The following CERT1 variants were observed in gnomAD, a reference collection of about 807,000 sequenced individuals.
CERT1 encodes the protein ceramide transporter 1.
A neutral mutation model predicts 87.9 loss-of-function variants in CERT1; 31 were observed. That is an observed-to-expected ratio of 0.35 (90% CI 0.27 to 0.48). The LOEUF is 0.48. Among genes scored for constraint, CERT1 ranks in the 20% least tolerant of loss-of-function variants. The pLI, the probability that CERT1 is intolerant of heterozygous loss-of-function variation, is 0.99. For synonymous variants in CERT1, 289 were observed against 250.9 expected (o/e 1.15, Z -1.44); for missense variants, 487 against 758.0 (o/e 0.64, Z 4.20).
intron 2 of CERT1, among the ~76,000 whole-genome samples, chr5:75,492,914 A>G (rs966247225): frequency 6.6e-6 from 1 of 152,214 alleles, no homozygotes; most frequent in African/African-American, 2.4e-5. Flanking sequence ...TTTGTTAAAG[A>G]AAGAATGCTG....
At chr5:75,511,803 G>C, upstream of CERT1, 1 of 1,551,516 alleles carries the variant, frequency 6.4e-7, no homozygotes, top group Non-Finnish European at 8.7e-7. Flanking sequence ...CAGGAGGAGC[G>C]GAGAAAGGAG....
At chr5:75,419,299 A>G in intron 6 of CERT1, 42 bp downstream of exon 6, 2 of 1,291,342 alleles carry the variant, frequency 1.5e-6, no homozygotes, top group Non-Finnish European at 2.2e-6. Flanking sequence ...TAACTTCTGA[A>G]AGTATATTTT....
In CERT1 at chr5:75,401,943, C is replaced by G. The variant is rs372874368; in HGVS notation, c.1017+1029G>C. On this transcript the variant is annotated intron_variant, in intron 9 of 16. Coordinates refer to ENST00000643780, the MANE Select transcript of CERT1 (RefSeq NM_001379029.1). ...ATACTTGCCCCCCAAAAAGGTTAAG[C>G]TTCCACCATAACTAGCATAGCTTAA... 13 of 152,298 alleles carry G rather than the reference C, an allele frequency of 8.5e-5. No homozygotes were observed. In the East Asian group the frequency reaches 1.7e-3, roughly 20 times the overall value. The allele number at this position is 152,298 out of a possible 1,614,324, so 9.4% of individuals were successfully genotyped here.
intron 2 of CERT1, among the ~76,000 whole-genome samples, chr5:75,494,736 T>TACTA (rs1766977677): frequency 6.6e-6 from 1 of 152,220 alleles, no homozygotes; most frequent in Admixed American, 6.5e-5. Context: ...TTCTCAGATT[T>TACTA]ACTAACTCAC....
At chr5:75,511,040 C>A in intron 1 of CERT1, 72 bp downstream of exon 1, 1 of 1,453,834 alleles carries the variant, frequency 6.9e-7, no homozygotes, top group South Asian at 1.4e-5. Context: ...CAGCCCCACC[C>A]CACCGCCTCA....
intron 2 of CERT1, among the ~76,000 whole-genome samples, chr5:75,477,500 C>CT (rs777494341): frequency 2.2e-4 from 34 of 151,962 alleles, no homozygotes; most frequent in South Asian, 4.2e-4. Flanking sequence ...CTGGCACAGT[C>CT]TTTAAAACCT....
intron 5 of CERT1, among the ~76,000 whole-genome samples, chr5:75,421,935 G>A (rs1048400689): frequency 6.6e-6 from 1 of 152,084 alleles, no homozygotes; most frequent in Non-Finnish European, 1.5e-5. Context: ...AAACTCAAAA[G>A]CCTTCTGTAC....
chr5:75,379,278 T>G lies in CERT1; in HGVS notation c.*68A>C. On this transcript the variant is annotated 3_prime_UTR_variant, in exon 17 of 17. Coordinates refer to ENST00000643780, the MANE Select transcript of CERT1 (RefSeq NM_001379029.1). ...AATACTTTCAACAACTAAATTTTAG[T>G]ATTGACAGTCATATTAGTCAAATAA... 7.6e-7 allele frequency: 1 copy of G among 1,316,864 alleles called. No individual in the cohort carries two copies. The highest frequency in any genetic ancestry group is 2.3e-5 in the East Asian group (1 of 43,298). 81.6% of individuals were successfully genotyped at this position (1,316,864 alleles called of 1,614,324 possible).
chr5:75,492,160 A>G (rs1444363322), intron 2 of CERT1, among the ~76,000 whole-genome samples: 2 of 152,134 alleles, frequency 1.3e-5, no homozygotes, highest in East Asian at 1.9e-4. Flanking sequence ...TCTGGGCAAC[A>G]TAGCGAGACT....
chr5:75,447,226 C>T (rs2112266645), intron 3 of CERT1, among the ~76,000 whole-genome samples: 1 of 152,190 alleles, frequency 6.6e-6, no homozygotes, highest in African/African-American at 2.4e-5. Context: ...TAGCAGACTC[C>T]AGAGTTTCAA....
chr5:75,379,264 C>A lies in CERT1; in HGVS notation c.*82G>T. 1.6e-6 allele frequency: 2 copies of A among 1,238,412 alleles called. No homozygotes were observed. Among genetic ancestry groups the A allele is most frequent in the Non-Finnish European group, 2.3e-6 (2 of 873,900 alleles). 76.7% of individuals were successfully genotyped at this position (1,238,412 alleles called of 1,614,324 possible). A position where few individuals can be genotyped will look rare whatever the true frequency, so the allele number is the denominator to read the frequency against. ...CAAAAAACATAGTAAATACTTTCAACAACTAAATTTTAGTATTGACAGTCA... is the reference window on the plus strand; with the variant it reads ...CAAAAAACATAGTAAATACTTTCAAAAACTAAATTTTAGTATTGACAGTCA... On this transcript the variant is annotated 3_prime_UTR_variant, in exon 17 of 17. Transcript: ENST00000643780.
At chr5:75,429,832 TAAGAAAAA>T (rs2112202182) in intron 3 of CERT1, among the ~76,000 whole-genome samples, 1 of 76,222 alleles carries the variant, frequency 1.3e-5, no homozygotes, top group South Asian at 3.9e-4. Flanking sequence ...CATCCAAATA[TAAGAAAAA>T]ATGAAAAAAA....
downstream of CERT1, chr5:75,377,564 G>C (rs1180407599): frequency 6.6e-6 from 1 of 152,182 alleles, no homozygotes; most frequent in African/African-American, 2.4e-5. Flanking sequence ...TTACAAATAT[G>C]TGAGACCTTC....
At chr5:75,445,447 A>G (rs530683045) in intron 3 of CERT1, among the ~76,000 whole-genome samples, 65 of 152,308 alleles carry the variant, frequency 4.3e-4, no homozygotes, top group African/African-American at 1.5e-3. Context: ...GGGCGTGTTT[A>G]AATTTCTCCC....
Position 75,482,570 on chromosome 5 carries a change from T to C in CERT1, c.232-23389A>G, listed in dbSNP as rs140007082. Among the ~76,000 whole-genome samples, 702 of 152,314 alleles carry C rather than the reference T, an allele frequency of 4.6e-3. 3 individuals are homozygous for C. The highest frequency in any genetic ancestry group is 0.015 in the African/African-American group (644 of 41,572). ...AGTCAGACAGTAGTCACTGTGGGCC[T>C]TGGGCAAGACCCAGTGCTGTGGTGG... On this transcript the variant is annotated intron_variant, in intron 2 of 16. Coordinates refer to ENST00000643780, the MANE Select transcript of CERT1 (RefSeq NM_001379029.1).
chr5:75,478,215 G>A (rs1387998234), intron 2 of CERT1, among the ~76,000 whole-genome samples: 1 of 152,076 alleles, frequency 6.6e-6, no homozygotes, highest in Non-Finnish European at 1.5e-5. Flanking sequence ...TTGGGAGGCT[G>A]AGACAGGAGA....
intron 3 of CERT1, among the ~76,000 whole-genome samples, chr5:75,446,076 C>A (rs1244710415): frequency 6.6e-6 from 1 of 152,096 alleles, no homozygotes; most frequent in Non-Finnish European, 1.5e-5. Flanking sequence ...AAGTTTTCGG[C>A]CATTATCTCT....
intron 3 of CERT1, among the ~76,000 whole-genome samples, chr5:75,456,663 CAAAAAAAAAA>C (rs34320476): frequency 1.4e-5 from 1 of 69,432 alleles, no homozygotes; most frequent in South Asian, 5.6e-4. Flanking sequence ...GACCTCATCT[CAAAAAAAAAA>C]AAAAAAAAAA....
At chr5:75,439,747 A>C (rs1404340506) in intron 3 of CERT1, among the ~76,000 whole-genome samples, 1 of 152,132 alleles carries the variant, frequency 6.6e-6, no homozygotes, top group Non-Finnish European at 1.5e-5. Context: ...AGCCAGATAC[A>C]ATACCTAAGA....
Sources: allele counts gnomAD v4.1 joint callset (sites outside exome capture counted in the v4.1 genomes callset), GRCh38; gene constraint gnomAD v4.1.1; transcripts MANE v1.5; gene names NCBI Gene and HGNC (gene_info 2026-07-23, HGNC 2026-07-21).